Variants in ENSA observed in about 807,000 individuals in gnomAD.
ENSA encodes the protein endosulfine alpha, also known as alpha-endosulfine.
Under a neutral mutation model 16.8 loss-of-function variants are expected in ENSA, and 7 were observed. The ratio of observed to expected loss-of-function variants is 0.42; its 90% CI spans 0.24 to 0.78. The LOEUF (loss-of-function observed/expected upper bound fraction) is 0.78, where lower values mean the gene tolerates loss of function less well. Ranked by LOEUF, ENSA falls within the 30% of genes least tolerant of loss-of-function variation. The pLI is 0.29. For synonymous variants in ENSA, 58 were observed against 53.4 expected, an observed-to-expected ratio of 1.09 and a Z score of -0.37; for missense variants, 87 against 142.3, an observed-to-expected ratio of 0.61 and a Z score of 1.98.
chr1:150,627,043 TGA>T, intron 2 of ENSA: 1 of 1,219,722 alleles, frequency 8.2e-7, no homozygotes, highest in Non-Finnish European at 1.0e-6. Flanking sequence ...ATGAAGAAAC[TGA>T]TTCATTTCAA....
chr1:150,625,585 T>C (rs772314823), intron 3 of ENSA, 57 bp downstream of exon 3: 1 of 1,503,780 alleles, frequency 6.6e-7, no homozygotes, highest in Non-Finnish European at 8.9e-7. Context: ...CATCCCTGCC[T>C]ATAATATATA....
Position 150,627,736 on chromosome 1 carries a change from C to A in ENSA, c.58-144G>T, listed in dbSNP as rs892680544. The A allele has an allele frequency of 6.5e-6, 6 of 924,144 alleles. No homozygotes were observed. The African/African-American group carries it at 1.0e-4, about 15-fold the overall frequency. 57.2% of individuals were successfully genotyped at this position (924,144 alleles called of 1,614,324 possible). A position where few individuals can be genotyped will look rare whatever the true frequency, so the allele number is the denominator to read the frequency against. On this transcript the variant is annotated intron_variant, in intron 1 of 3. Coordinates refer to ENST00000369014, the MANE Select transcript of ENSA (RefSeq NM_004436.4). ...CTCTACTCTGCTGTTAAAGCTAGAC[C>A]TTTGTTAAAATCCCTAAAGCTCAAG...
In ENSA at chr1:150,627,392, T is replaced by C. The variant is rs1333314462; in HGVS notation, c.183+75A>G. The C allele has an allele frequency of 3.1e-6, 5 of 1,614,024 alleles. No individual in the cohort carries two copies. The African/African-American group carries it at 6.7e-5, about 22-fold the overall frequency. On this transcript the variant is annotated intron_variant, in intron 2 of 3. Coordinates refer to ENST00000369014, the MANE Select transcript of ENSA (RefSeq NM_004436.4). Reference sequence around the variant, plus strand: ...ACAAAACCTCCAGAAAAGGATCCAGTAGAACCTCTACAGACTTCATTCGAA... The same window carrying C: ...ACAAAACCTCCAGAAAAGGATCCAGCAGAACCTCTACAGACTTCATTCGAA...
At chr1:150,627,087 T>C (rs1178605188) in intron 2 of ENSA, 2 of 1,358,428 alleles carry the variant, frequency 1.5e-6, no homozygotes, top group Non-Finnish European at 1.9e-6. Flanking sequence ...GAGAGATGGT[T>C]TGATCTTCTT....
intron 3 of ENSA, 62 bp from the exon 4 acceptor site, chr1:150,622,921 A>G (rs1263689298): frequency 4.6e-6 from 7 of 1,528,966 alleles, no homozygotes; most frequent in South Asian, 3.7e-5. Flanking sequence ...GGGGAAAAAA[A>G]CCCTGAACTC....
Position 150,627,576 on chromosome 1 carries a change from T to C in ENSA, c.74A>G (p.Glu25Gly), listed in dbSNP as rs747403259. ...GEEKQDTQEK[E>G]GILPERAEEA... is the part of the protein sequence containing the mutation. ...TTCAGCTCTCTCAGGCAGAATACCT[T>C]CTTTCTCCTGCGTGTCCTGGAGAAA... Residue 25 changes from glutamate to glycine, a missense_variant, in exon 2 of 4, where the codon GAA (glutamate) becomes GGA (glycine). Physicochemically the swap from Glu to Gly is moderately conservative, Grantham distance 98. Transcript: ENST00000369014. 1 of 1,611,048 alleles carries C rather than the reference T, an allele frequency of 6.2e-7. No individual in the cohort carries two copies. The highest frequency in any genetic ancestry group is 1.1e-5 in the South Asian group (1 of 90,372).
chr1:150,628,987 T>A (rs1045381927), intron 1 of ENSA: 7 of 1,523,484 alleles, frequency 4.6e-6, no homozygotes, highest in East Asian at 4.5e-5. Context: ...GGTTTTTTTT[T>A]AAACGTCTTT....
At position 150,622,835 on chromosome 1, in the gene ENSA, C is replaced by A. The variant is rs11550418; in HGVS notation, c.*9G>T. 6.5e-7 allele frequency: 1 copy of A among 1,532,132 alleles called. No homozygotes were observed. The highest frequency in any genetic ancestry group is 2.5e-5 in the East Asian group (1 of 39,588). The allele number at this position is 1,532,132 out of a possible 1,614,324, so 94.9% of individuals were successfully genotyped here. A position where few individuals can be genotyped will look rare whatever the true frequency, so the allele number is the denominator to read the frequency against. Reference sequence around the variant, plus strand: ...AGCGTCTCAGGATCTGGCAGAGCCCCGGGCAGCATCATTCAACTTGGCCAC... The same window carrying A: ...AGCGTCTCAGGATCTGGCAGAGCCCAGGGCAGCATCATTCAACTTGGCCAC... On this transcript the variant is annotated 3_prime_UTR_variant, in exon 4 of 4. Transcript: ENST00000369014.
intron 2 of ENSA, chr1:150,627,021 C>T (rs1649379654): frequency 8.8e-7 from 1 of 1,133,624 alleles, no homozygotes; most frequent in African/African-American, 1.6e-5. Context: ...GGCTGGTGCT[C>T]ACTTCAAGGG....
intron 3 of ENSA, chr1:150,623,398 A>G: frequency 2.0e-6 from 2 of 985,888 alleles, no homozygotes; most frequent in South Asian, 4.7e-5. Flanking sequence ...TGGCAAATAC[A>G]GAATGTAGCT....
intron 3 of ENSA, chr1:150,623,289 A>G: frequency 1.0e-6 from 1 of 996,844 alleles, no homozygotes; most frequent in Non-Finnish European, 1.2e-6. Context: ...GCTGTTCTGA[A>G]TGGATTTAAT....
At chr1:150,623,723 C>G (rs1649115237) in intron 3 of ENSA, 1 of 985,658 alleles carries the variant, frequency 1.0e-6, no homozygotes, top group Non-Finnish European at 1.2e-6. Flanking sequence ...AGCATTTTCC[C>G]CTTCCCAGAT....
In ENSA at chr1:150,625,778, T is replaced by C. The variant is rs758219128; in HGVS notation, c.214A>G (p.Met72Val). 2 of 1,610,564 alleles carry C rather than the reference T, an allele frequency of 1.2e-6. No individual in the cohort carries two copies. Among genetic ancestry groups the C allele is most frequent in the South Asian group, 2.2e-5 (2 of 90,456 alleles). The change falls in exon 3 of 4, where the codon ATG becomes GTG. Residue 72 changes from methionine (M) to valine (V), a missense_variant. Met to Val is a conservative substitution (Grantham distance 21). Transcript: ENST00000369014. ...QKYFDSGDYN[M>V]AKAKMKNKQL... ...TTATTCTTCATCTTGGCTTTGGCCA[T>C]GTTGTAGTCTCCTGAGTCAAAGTAC...
intron 1 of ENSA, among the ~76,000 whole-genome samples, chr1:150,628,031 T>A (rs955900962): frequency 6.6e-6 from 1 of 152,132 alleles, no homozygotes; most frequent in African/African-American, 2.4e-5. Flanking sequence ...GAGCAGTGAC[T>A]CATGCCTGTA....
intron 3 of ENSA, chr1:150,624,254 C>T: frequency 1.0e-6 from 1 of 985,882 alleles, no homozygotes; most frequent in African/African-American, 1.7e-5. Flanking sequence ...AGAGATTTCT[C>T]AGTCTTCCTC....
chr1:150,626,609 T>G (rs189946993), intron 2 of ENSA: 1 of 1,024,722 alleles, frequency 9.8e-7, no homozygotes, highest in Non-Finnish European at 1.5e-6. Context: ...CAGGCTGGAG[T>G]GCAGTGGCAC....
At chr1:150,629,070 C>G in intron 1 of ENSA, 1 of 1,614,156 alleles carries the variant, frequency 6.2e-7, no homozygotes, top group Non-Finnish European at 8.5e-7. Flanking sequence ...CCTCTACAAA[C>G]CAATAACACA....
chr1:150,628,440 T>C (rs910763957), intron 1 of ENSA, among the ~76,000 whole-genome samples: 3 of 150,036 alleles, frequency 2.0e-5, no homozygotes, highest in Non-Finnish European at 4.4e-5. Context: ...CCAGTTTTCA[T>C]CAAAAAAATC....
chr1:150,624,767 T>C, intron 3 of ENSA: 1 of 985,430 alleles, frequency 1.0e-6, no homozygotes, highest in Non-Finnish European at 1.2e-6. Flanking sequence ...CAATGAACAG[T>C]ATGGAGTTTT....
Sources: allele counts gnomAD v4.1 joint callset (sites outside exome capture counted in the v4.1 genomes callset), GRCh38; gene constraint gnomAD v4.1.1; transcripts MANE v1.5; gene names NCBI Gene and HGNC (gene_info 2026-07-23, HGNC 2026-07-21).